Variants in MAPK6 observed in about 807,000 individuals in gnomAD.
The protein encoded by MAPK6 is mitogen-activated protein kinase 6, also known as ERK-3.
A neutral mutation model predicts 59.3 loss-of-function variants in MAPK6; 19 were observed. That is an observed-to-expected ratio of 0.32 (90% CI 0.22 to 0.47). The LOEUF is 0.47. Ranked by LOEUF, MAPK6 falls within the 20% of genes least tolerant of loss-of-function variation. The pLI, the probability that MAPK6 is intolerant of heterozygous loss-of-function variation, is 1.00. For synonymous variants in MAPK6, 316 were observed against 290.3 expected, an observed-to-expected ratio of 1.09 and a Z score of -0.90; for missense variants, 724 against 847.9, an observed-to-expected ratio of 0.85 and a Z score of 1.81.
chr15:52,021,409 A>G (rs1278703273), intron 1 of MAPK6: 1 of 147,490 alleles, frequency 6.8e-6, no homozygotes, highest in African/African-American at 2.5e-5. Flanking sequence ...TCTAAATGAT[A>G]GGCTAAAATG....
At chr15:52,038,379 A>G (rs994918256) in intron 1 of MAPK6, among the ~76,000 whole-genome samples, 2 of 152,222 alleles carry the variant, frequency 1.3e-5, no homozygotes, top group African/African-American at 4.8e-5. Context: ...ACGTATGACC[A>G]TGTGACCTAC....
chr15:51,982,288 A>G (rs568357114), intron 1 of MAPK6, among the ~76,000 whole-genome samples: 40 of 152,278 alleles, frequency 2.6e-4, no homozygotes, highest in African/African-American at 9.4e-4. Flanking sequence ...GCGGGTGGGG[A>G]CTGCTGGCAC....
chr15:52,067,275 A>C lies in MAPK6; in HGVS notation c.*2275A>C, dbSNP rs1331794877. Reference sequence around the variant, plus strand: ...TAGTCATCAAAGGAAGAAGAAAGTAAAACTGAAACCCCTTATATAAAATAT... The same window carrying C: ...TAGTCATCAAAGGAAGAAGAAAGTACAACTGAAACCCCTTATATAAAATAT... On this transcript the variant is annotated 3_prime_UTR_variant, in exon 6 of 6. Transcript: ENST00000261845. The C allele has an allele frequency of 6.6e-6, 1 of 152,178 alleles. No homozygotes were observed. Among genetic ancestry groups the C allele is most frequent in the Non-Finnish European group, 1.5e-5 (1 of 68,036 alleles). 9.4% of individuals were successfully genotyped at this position (152,178 alleles called of 1,614,324 possible).
At chr15:51,998,332 G>A (rs961615808) in intron 2 of MAPK6, among the ~76,000 whole-genome samples, 1 of 151,778 alleles carries the variant, frequency 6.6e-6, no homozygotes, top group Admixed American at 6.6e-5. Context: ...AGCCTCCCAA[G>A]TAGCTGGGAT....
chr15:51,992,008 G>A (rs896672175), intron 2 of MAPK6, among the ~76,000 whole-genome samples: 3 of 152,154 alleles, frequency 2.0e-5, no homozygotes, highest in East Asian at 3.9e-4. Flanking sequence ...CCAGGCTGGA[G>A]TGCAGTGGCT....
At chr15:52,005,482 G>T (rs1043724137) in intron 3 of MAPK6, among the ~76,000 whole-genome samples, 1 of 151,426 alleles carries the variant, frequency 6.6e-6, no homozygotes, top group South Asian at 2.1e-4. Flanking sequence ...AGCCAAGATC[G>T]CACCACTGCA....
intron 1 of MAPK6, among the ~76,000 whole-genome samples, chr15:51,975,331 A>C (rs1037183695): frequency 6.6e-6 from 1 of 151,656 alleles, no homozygotes; most frequent in Non-Finnish European, 1.5e-5. Context: ...TCACGAGGTC[A>C]AGAGATCAAG....
At chr15:52,057,569 A>T (rs927812477) in intron 3 of MAPK6, among the ~76,000 whole-genome samples, 1 of 151,992 alleles carries the variant, frequency 6.6e-6, no homozygotes, top group African/African-American at 2.4e-5. Flanking sequence ...AAAAAAAAAA[A>T]AATGTCTTAT....
At chr15:52,023,106 CAAAAAAAAAA>C (rs60315520) in intron 1 of MAPK6, among the ~76,000 whole-genome samples, 5 of 73,652 alleles carry the variant, frequency 6.8e-5, no homozygotes, top group African/African-American at 2.6e-4. Context: ...GACTCCGTCT[CAAAAAAAAAA>C]AAAAAAAAAA....
At chr15:52,061,266 T>C in intron 4 of MAPK6, 33 bp from the exon 5 acceptor site, 1 of 1,538,968 alleles carries the variant, frequency 6.5e-7, no homozygotes, top group South Asian at 1.1e-5. Context: ...TAAGCAATTC[T>C]TTTCTGAAAA....
At chr15:52,036,919 G>C (rs887021309) in intron 1 of MAPK6, among the ~76,000 whole-genome samples, 1 of 151,560 alleles carries the variant, frequency 6.6e-6, no homozygotes, top group African/African-American at 2.4e-5. Context: ...GCCAAATCTT[G>C]TAAGCCTTCT....
chr15:52,052,864 T>G (rs2031824760), intron 3 of MAPK6, among the ~76,000 whole-genome samples: 1 of 152,222 alleles, frequency 6.6e-6, no homozygotes, highest in Admixed American at 6.5e-5. Flanking sequence ...GTACAAGTTT[T>G]TGTGTGAAAA....
At chr15:51,981,687 A>T (rs181811934) in intron 1 of MAPK6, among the ~76,000 whole-genome samples, 9 of 152,298 alleles carry the variant, frequency 5.9e-5, no homozygotes, top group African/African-American at 2.2e-4. Context: ...CCAGAGAGCT[A>T]TGTCCTAAAA....
At chr15:52,058,836 TGTG>T (rs1865668975) in intron 4 of MAPK6, 39 bp downstream of exon 4, 1 of 1,537,440 alleles carries the variant, frequency 6.5e-7, no homozygotes, top group African/African-American at 1.4e-5. Context: ...TTAATGCCTG[TGTG>T]TGAGGCAGAA....
At chr15:51,998,189 G>T (rs1169880893) in intron 2 of MAPK6, among the ~76,000 whole-genome samples, 1 of 151,538 alleles carries the variant, frequency 6.6e-6, no homozygotes, top group African/African-American at 2.4e-5. Context: ...TAATCCACCC[G>T]CCTTGGACTC....
chr15:51,977,580 G>C (rs1413569640), intron 1 of MAPK6, among the ~76,000 whole-genome samples: 3 of 151,814 alleles, frequency 2.0e-5, no homozygotes, highest in African/African-American at 7.2e-5. Context: ...CTGTCACCCA[G>C]GCTGGAGGTC....
chr15:52,018,113 C>A (rs961408285), upstream of MAPK6: 1 of 152,244 alleles, frequency 6.6e-6, no homozygotes, highest in Non-Finnish European at 1.5e-5. Flanking sequence ...TCACTGCAAC[C>A]CCCCGCGGGG....
chr15:51,996,144 A>ATAACAACAAGGCAAGGGAG (rs2057223571), intron 2 of MAPK6, among the ~76,000 whole-genome samples: 1 of 152,186 alleles, frequency 6.6e-6, no homozygotes, highest in African/African-American at 2.4e-5. Context: ...AGGCAAGGGA[A>ATAACAACAAGGCAAGGGAG]TAACAACAAG....
At chr15:52,034,191 G>T (rs577312329) in intron 1 of MAPK6, among the ~76,000 whole-genome samples, 1 of 151,812 alleles carries the variant, frequency 6.6e-6, no homozygotes, top group Non-Finnish European at 1.5e-5. Flanking sequence ...CACCATGTTC[G>T]CCAGGCTGGT....
Sources: gnomAD v4.1 joint callset for allele counts (sites outside exome capture counted in the v4.1 genomes callset) on GRCh38, gnomAD v4.1.1 for gene constraint, MANE v1.5 for transcripts, NCBI Gene and HGNC (gene_info 2026-07-23, HGNC 2026-07-21) for gene names.